Variants in RBFOX1 observed in about 807,000 individuals in gnomAD.
The protein encoded by RBFOX1 is RNA binding protein fox-1 homolog 1.
RBFOX1 carries 8 observed loss-of-function variants against 57.7 expected under a neutral mutation model. The observed-to-expected ratio is 0.14, with a 90% CI of 0.08 to 0.25. The LOEUF is 0.25. RBFOX1 is among the 10% of genes least tolerant of loss of function. The probability of loss-of-function intolerance (pLI) is 1.00; values close to 1 mark genes in which losing one functional copy is unlikely to be tolerated. For missense variants in RBFOX1, 611 were observed against 548.5 expected (o/e 1.11, Z -1.14); for synonymous variants, 326 against 222.4 (o/e 1.47, Z -4.15).
chr16:5,805,059 T>C (rs1244771229), intron 3 of RBFOX1, among the ~76,000 whole-genome samples: 1 of 151,946 alleles, frequency 6.6e-6, no homozygotes, highest in South Asian at 2.1e-4. Context: ...GAGCATTGAG[T>C]TGTTTGAATC....
intron 3 of RBFOX1, among the ~76,000 whole-genome samples, chr16:5,817,148 T>A (rs76977330): frequency 3.3e-5 from 5 of 152,312 alleles, no homozygotes; most frequent in Non-Finnish European, 5.9e-5. Context: ...AGCGTCGTCT[T>A]GCACTCTTGT....
intron 4 of RBFOX1, among the ~76,000 whole-genome samples, chr16:7,187,584 G>C (rs1409469137): frequency 6.6e-6 from 1 of 150,524 alleles, no homozygotes; most frequent in Non-Finnish European, 1.5e-5. Context: ...ACCTACTCGG[G>C]AGGTTGAGGC....
chr16:6,465,923 A>T (rs1289808944), intron 2 of RBFOX1, among the ~76,000 whole-genome samples: 1 of 151,286 alleles, frequency 6.6e-6, no homozygotes, highest in Non-Finnish European at 1.5e-5. Flanking sequence ...TTTTAAGCTA[A>T]TCCTTAGTTT....
chr16:7,240,213 C>A (rs139682163), intron 4 of RBFOX1, among the ~76,000 whole-genome samples: 306 of 152,206 alleles, frequency 2.0e-3, no homozygotes, highest in African/African-American at 7.0e-3. Flanking sequence ...GTGATCCTCC[C>A]GCCTCGGCCT....
At chr16:6,319,707 C>G (rs977249080) in intron 2 of RBFOX1, among the ~76,000 whole-genome samples, 3 of 152,180 alleles carry the variant, frequency 2.0e-5, no homozygotes, top group Non-Finnish European at 4.4e-5. Flanking sequence ...TTTTCTAGCT[C>G]TCCACATCCC....
chr16:6,982,020 T>C (rs1282035556), intron 3 of RBFOX1, among the ~76,000 whole-genome samples: 1 of 152,224 alleles, frequency 6.6e-6, no homozygotes, highest in Non-Finnish European at 1.5e-5. Flanking sequence ...TGAACCCTCG[T>C]GTTTTACCTT....
chr16:6,265,943 T>C (rs1220140034), intron 1 of RBFOX1, among the ~76,000 whole-genome samples: 1 of 152,204 alleles, frequency 6.6e-6, no homozygotes, highest in Non-Finnish European at 1.5e-5. Flanking sequence ...CTTCCTGGTA[T>C]TGTGGGTCCA....
chr16:7,665,910 A>G (rs1033749372), intron 13 of RBFOX1, among the ~76,000 whole-genome samples: 8 of 152,186 alleles, frequency 5.3e-5, no homozygotes, highest in Non-Finnish European at 8.8e-5. Flanking sequence ...AATCATTACA[A>G]TTTTGAGATA....
At chr16:7,435,861 T>C (rs903933411) in intron 4 of RBFOX1, among the ~76,000 whole-genome samples, 2 of 152,170 alleles carry the variant, frequency 1.3e-5, no homozygotes, top group African/African-American at 4.8e-5. Context: ...ACTGTAGGAG[T>C]TGGCCTGCTG....
intron 3 of RBFOX1, among the ~76,000 whole-genome samples, chr16:6,692,773 A>G (rs1046885654): frequency 6.6e-6 from 1 of 152,122 alleles, no homozygotes; most frequent in African/African-American, 2.4e-5. Flanking sequence ...TGGTATCAAC[A>G]TCATCATCAT....
chr16:5,959,318 T>C (rs2059705238), intron 4 of RBFOX1, among the ~76,000 whole-genome samples: 2 of 152,198 alleles, frequency 1.3e-5, no homozygotes, highest in Non-Finnish European at 2.9e-5. Context: ...CCAGGTTTCT[T>C]CCTCAGCCTG....
chr16:7,264,944 C>G (rs955584127), intron 4 of RBFOX1, among the ~76,000 whole-genome samples: 1 of 152,226 alleles, frequency 6.6e-6, no homozygotes, highest in African/African-American at 2.4e-5. Flanking sequence ...CCAACACTTT[C>G]CATCTTCCAT....
chr16:5,597,384 A>G (rs969815513), intron 2 of RBFOX1, among the ~76,000 whole-genome samples: 2 of 142,718 alleles, frequency 1.4e-5, no homozygotes, highest in Admixed American at 7.1e-5. Context: ...CCCCAGGCCA[A>G]AGCTTGCTGA....
chr16:6,820,088 A>G (rs942849290), intron 3 of RBFOX1, among the ~76,000 whole-genome samples: 13 of 152,060 alleles, frequency 8.5e-5, no homozygotes, highest in Non-Finnish European at 1.2e-4. Flanking sequence ...TCCTTTTCTC[A>G]TAATAGTGAG....
intron 1 of RBFOX1, among the ~76,000 whole-genome samples, chr16:5,334,798 A>C (rs767409398): frequency 2.6e-5 from 4 of 151,510 alleles, no homozygotes; most frequent in Non-Finnish European, 5.9e-5. Context: ...ATTGTCCTTA[A>C]GCTTAAAGTT....
intron 1 of RBFOX1, among the ~76,000 whole-genome samples, chr16:6,052,652 C>T (rs1302593367): frequency 2.6e-5 from 4 of 151,768 alleles, no homozygotes; most frequent in Non-Finnish European, 5.9e-5. Flanking sequence ...GGCGCGGTGG[C>T]GGGCGCCTGT....
chr16:7,335,268 A>G (rs1301177404), intron 4 of RBFOX1, among the ~76,000 whole-genome samples: 2 of 152,012 alleles, frequency 1.3e-5, no homozygotes, highest in Non-Finnish European at 2.9e-5. Flanking sequence ...TTTCTTCCTC[A>G]CTCAGGAGGC....
At chr16:6,087,396 T>A (rs972335434) in intron 1 of RBFOX1, among the ~76,000 whole-genome samples, 1 of 152,246 alleles carries the variant, frequency 6.6e-6, no homozygotes, top group African/African-American at 2.4e-5. Flanking sequence ...AGAAATAGGA[T>A]AAAAAGAAGT....
At chr16:6,526,479 T>G (rs2096579383) in intron 2 of RBFOX1, among the ~76,000 whole-genome samples, 1 of 152,124 alleles carries the variant, frequency 6.6e-6, no homozygotes, top group African/African-American at 2.4e-5. Flanking sequence ...GCAATACTTG[T>G]CTATTAGGTC....
Sources: gnomAD v4.1 joint callset for allele counts (sites outside exome capture counted in the v4.1 genomes callset) on GRCh38, gnomAD v4.1.1 for gene constraint, MANE v1.5 for transcripts, NCBI Gene and HGNC (gene_info 2026-07-23, HGNC 2026-07-21) for gene names.